The following NRXN3 variants were observed in gnomAD, a reference collection of about 807,000 sequenced individuals.
NRXN3 encodes the protein neurexin 3, also known as neurexin III.
In NRXN3, 32 loss-of-function variants were observed where a neutral mutation model predicts 137.6. The observed-to-expected ratio is 0.23, with a 90% CI of 0.18 to 0.31. NRXN3 has a LOEUF of 0.31. Among genes scored for constraint, NRXN3 ranks in the 10% least tolerant of loss-of-function variants. The pLI is 1.00. For synonymous variants in NRXN3, 798 were observed against 784.5 expected (o/e 1.02, Z -0.29); for missense variants, 1,574 against 2,062.5 (o/e 0.76, Z 4.59).
chr14:78,379,881 G>C (rs1207503964), intron 4 of NRXN3, among the ~76,000 whole-genome samples: 1 of 152,222 alleles, frequency 6.6e-6, no homozygotes, highest in Non-Finnish European at 1.5e-5. Context: ...TAACAGGTAA[G>C]TTCAGCAGTG....
In NRXN3 at chr14:79,861,873, A is replaced by G; in HGVS notation, c.4625A>G (p.Gln1542Arg). The G allele has an allele frequency of 6.2e-7, 1 of 1,614,142 alleles. No homozygotes were observed. Among genetic ancestry groups the G allele is most frequent in the South Asian group, 1.1e-5 (1 of 91,082 alleles). ...ETRNYISNSA[Q>R]SNGTLMKEKQ... ...CGGAACTACATCAGCAACTCCGCCCAGAGCAACGGCACGCTCATGAAGGAG... is the reference window on the plus strand; with the variant it reads ...CGGAACTACATCAGCAACTCCGCCCGGAGCAACGGCACGCTCATGAAGGAG... The change falls in exon 21 of 21, where the codon CAG becomes CGG. Residue 1542 changes from glutamine to arginine, a missense_variant. Physicochemically the swap from Gln to Arg is conservative, Grantham distance 43. Coordinates refer to ENST00000335750, the MANE Select transcript of NRXN3 (RefSeq NM_001330195.2). This position sits in a 1 kb window ranked among gnomAD's most constrained non-coding sequence, Gnocchi z 5.4.
chr14:79,086,625 G>A (rs10137034), intron 15 of NRXN3, among the ~76,000 whole-genome samples: 6,617 of 152,206 alleles, frequency 0.043, 523 homozygotes, highest in African/African-American at 0.15. Context: ...CTTGAGTTAT[G>A]AGGTCAGTAT....
At position 79,658,720 on chromosome 14, in the gene NRXN3, C is replaced by T. The variant is rs1419773232; in HGVS notation, c.3445-5058C>T. ...TATGGAAGACCTTGCTGTGCCTGGC[C>T]CACAAGAGGCATTATTTACATATTG... On this transcript the variant is annotated intron_variant, in intron 16 of 20. Transcript: ENST00000335750. Among the ~76,000 whole-genome samples, 11 of 152,116 alleles carry T rather than the reference C, an allele frequency of 7.2e-5. No individual in the cohort carries two copies. In the East Asian group the frequency reaches 1.9e-3, roughly 27 times the overall value.
At chr14:79,094,297 C>G (rs2049821609) in intron 15 of NRXN3, among the ~76,000 whole-genome samples, 2 of 152,226 alleles carry the variant, frequency 1.3e-5, no homozygotes, top group Admixed American at 1.3e-4. Flanking sequence ...TCATCTGTAT[C>G]CTCTGTTTTA....
rs538570251 is a variant in NRXN3 at position 79,831,320 on chromosome 14, C to T, written c.4093+26130C>T. On this transcript the variant is annotated intron_variant, in intron 20 of 20. Coordinates refer to ENST00000335750, the MANE Select transcript of NRXN3 (RefSeq NM_001330195.2). ...AAGAGCTAGTGAGTGACAGATTTCA[C>T]ATGAGAATTGGTCACGTACAAGAAT... Among the ~76,000 whole-genome samples, 5 of 152,296 alleles carry T rather than the reference C, an allele frequency of 3.3e-5. No individual in the cohort carries two copies. In the South Asian group the frequency reaches 1.0e-3, roughly 32 times the overall value.
intron 10 of NRXN3, among the ~76,000 whole-genome samples, chr14:78,813,566 G>A (rs1377910501): frequency 4.6e-5 from 7 of 152,054 alleles, no homozygotes. Context: ...GAATCAAGGT[G>A]GATTATAAGT....
intron 16 of NRXN3, among the ~76,000 whole-genome samples, chr14:79,565,813 A>C (rs146060888): frequency 0.011 from 1,663 of 152,246 alleles, 20 homozygotes; most frequent in Middle Eastern, 0.044. Context: ...AGGAGCCAGC[A>C]AATTATGTTT....
At position 78,630,297 on chromosome 14, in the gene NRXN3, A is replaced by G. The variant is rs150782129; in HGVS notation, c.758-14823A>G. On this transcript the variant is annotated intron_variant, in intron 4 of 20. Transcript: ENST00000335750. The stretch of plus-strand genomic sequence containing the variant: ...CTTGTTGATGAAGAAAATTTTTATG[A>G]AAAAAGAAAATAGAGTTGACTACTT... Among the ~76,000 whole-genome samples, 52 of 152,362 alleles carry G rather than the reference A, an allele frequency of 3.4e-4. 1 individual carries two copies. The highest frequency in any genetic ancestry group is 3.0e-3 in the Admixed American group (46 of 15,300).
intron 1 of NRXN3, among the ~76,000 whole-genome samples, chr14:78,200,227 A>G (rs2061558020): frequency 6.6e-6 from 1 of 152,188 alleles, no homozygotes; most frequent in Non-Finnish European, 1.5e-5. Flanking sequence ...ATCTTCAACC[A>G]TCTGTTAATG....
At chr14:79,179,169 T>G (rs2062663516) in intron 15 of NRXN3, among the ~76,000 whole-genome samples, 1 of 152,184 alleles carries the variant, frequency 6.6e-6, no homozygotes, top group African/African-American at 2.4e-5. Flanking sequence ...TGCTGCTCAT[T>G]CTTTACTTAT....
intron 16 of NRXN3, among the ~76,000 whole-genome samples, chr14:79,621,136 A>T (rs2098219499): frequency 6.6e-6 from 1 of 152,194 alleles, no homozygotes; most frequent in Non-Finnish European, 1.5e-5. Flanking sequence ...AATAGTTATT[A>T]TGAGGTATTT....
At chr14:78,501,471 G>A (rs757310614) in intron 4 of NRXN3, among the ~76,000 whole-genome samples, 6 of 152,176 alleles carry the variant, frequency 3.9e-5, no homozygotes, top group Non-Finnish European at 8.8e-5. Context: ...TTATAAACAA[G>A]ACAGAAGCTA....
At chr14:78,935,225 A>G (rs1049893583) in intron 10 of NRXN3, among the ~76,000 whole-genome samples, 10 of 152,124 alleles carry the variant, frequency 6.6e-5, no homozygotes, top group Admixed American at 1.3e-4. Flanking sequence ...TTTGCAGATG[A>G]CAGTGATCAA....
chr14:79,361,352 C>G (rs1253314242), intron 15 of NRXN3, among the ~76,000 whole-genome samples: 1 of 152,124 alleles, frequency 6.6e-6, no homozygotes, highest in Non-Finnish European at 1.5e-5. Flanking sequence ...ATACTGAGTC[C>G]AGCTGAATAC....
intron 15 of NRXN3, among the ~76,000 whole-genome samples, chr14:79,448,331 C>A (rs1038413430): frequency 8.5e-5 from 13 of 152,202 alleles, no homozygotes; most frequent in African/African-American, 2.9e-4. Flanking sequence ...CCTCCCCCAT[C>A]ATGACTACCC....
intron 16 of NRXN3, among the ~76,000 whole-genome samples, chr14:79,552,088 G>A (rs2097378506): frequency 6.6e-6 from 1 of 152,162 alleles, no homozygotes; most frequent in Non-Finnish European, 1.5e-5. Context: ...TTGTTGATAA[G>A]AGTGCTTCAG....
At chr14:78,926,459 G>A (rs1453029672) in intron 10 of NRXN3, among the ~76,000 whole-genome samples, 1 of 149,274 alleles carries the variant, frequency 6.7e-6, no homozygotes, top group Non-Finnish European at 1.5e-5. Flanking sequence ...ACATAATTTT[G>A]GCCAAGTGCA....
At chr14:79,044,050 A>G (rs984356616) in intron 15 of NRXN3, among the ~76,000 whole-genome samples, 2 of 152,128 alleles carry the variant, frequency 1.3e-5, no homozygotes, top group East Asian at 1.9e-4. Flanking sequence ...ACATTTCCAC[A>G]TGTCTTCTGT....
intron 9 of NRXN3, among the ~76,000 whole-genome samples, chr14:78,808,443 C>G (rs1012762004): frequency 6.6e-6 from 1 of 152,188 alleles, no homozygotes; most frequent in Non-Finnish European, 1.5e-5. Context: ...CGTGCCCATA[C>G]ACCAGTTTCC....
Sources: allele counts gnomAD v4.1 joint callset (sites outside exome capture counted in the v4.1 genomes callset), GRCh38; gene constraint gnomAD v4.1.1; non-coding constraint Gnocchi (gnomAD v3.1); transcripts MANE v1.5; gene names NCBI Gene and HGNC (gene_info 2026-07-23, HGNC 2026-07-21).